PCDHGB6: variants seen among roughly 807,000 people sequenced by gnomAD.
The protein encoded by PCDHGB6 is protocadherin gamma subfamily B, 6.
A neutral mutation model predicts 59.1 loss-of-function variants in PCDHGB6; 51 were observed. The observed-to-expected ratio is 0.86, with a 90% CI of 0.69 to 1.09. The LOEUF is 1.09. PCDHGB6 is among the 50% of genes least tolerant of loss of function. The probability of loss-of-function intolerance (pLI) is 0.00; values close to 1 mark genes in which losing one functional copy is unlikely to be tolerated. For missense variants in PCDHGB6, 1,148 were observed against 1,205.1 expected (o/e 0.95, Z 0.70); for synonymous variants, 466 against 495.1 (o/e 0.94, Z 0.78).
At chr5:141,451,050 G>A (rs915545429) in intron 1 of PCDHGB6, among the ~76,000 whole-genome samples, 6 of 151,352 alleles carry the variant, frequency 4.0e-5, no homozygotes, top group South Asian at 4.2e-4. Flanking sequence ...GGCTGGTCTC[G>A]AACTCCTGAC....
Position 141,476,752 on chromosome 5 carries a change from A to T in PCDHGB6, c.2419-18055A>T, listed in dbSNP as rs771355583. On this transcript the variant is annotated intron_variant, in intron 1 of 3. Coordinates refer to ENST00000520790, the MANE Select transcript of PCDHGB6 (RefSeq NM_018926.3). This position sits in a 1 kb window ranked among gnomAD's most constrained non-coding sequence, Gnocchi z 7.6. ...GAGAACGGGAGCCTAGTCTCCAGTTAGTGCTGACGGCGTTGGACGGAGGGA... is the reference window on the plus strand; with the variant it reads ...GAGAACGGGAGCCTAGTCTCCAGTTTGTGCTGACGGCGTTGGACGGAGGGA... 1.2e-6 allele frequency: 2 copies of T among 1,613,926 alleles called. No individual in the cohort carries two copies. Among genetic ancestry groups the T allele is most frequent in the South Asian group, 2.2e-5 (2 of 91,080 alleles).
At chr5:141,423,264 C>G (rs1452323474) in intron 1 of PCDHGB6, 1 of 1,613,986 alleles carries the variant, frequency 6.2e-7, no homozygotes. Flanking sequence ...TCGGCAGCCT[C>G]GAGTCTCTGG....
rs1228771998 is a variant in PCDHGB6 at position 141,477,832 on chromosome 5, A to G, written c.2419-16975A>G. The stretch of plus-strand genomic sequence containing the variant: ...CCCCCCAGGTCCTATATCCTCGGCC[A>G]GGTGGGAGCTCGGTGGAGATGCTGC... On this transcript the variant is annotated intron_variant, in intron 1 of 3. Transcript: ENST00000520790. This position sits in a 1 kb window ranked among gnomAD's most constrained non-coding sequence, Gnocchi z 4.9. 1.2e-6 allele frequency: 2 copies of G among 1,614,166 alleles called. No homozygotes were observed. Among genetic ancestry groups the G allele is most frequent in the South Asian group, 1.1e-5 (1 of 91,086 alleles).
intron 1 of PCDHGB6, among the ~76,000 whole-genome samples, chr5:141,444,229 T>G (rs957213677): frequency 4.6e-5 from 6 of 130,226 alleles, no homozygotes; most frequent in Admixed American, 9.4e-5. Context: ...TGGAGTGCAA[T>G]GGCATGCTCT....
In PCDHGB6 at chr5:141,493,521, G is replaced by A. The variant is rs967636266; in HGVS notation, c.2419-1286G>A. Among the ~76,000 whole-genome samples the A allele has an allele frequency of 3.9e-5, 6 of 152,242 alleles. No homozygotes were observed. In the East Asian group the frequency reaches 7.7e-4, roughly 20 times the overall value. The stretch of plus-strand genomic sequence containing the variant: ...CTCATTTCTGAGCAGTCCCCGCAGC[G>A]CAAACTTGGCCAGTTATCCTTTTGG... On this transcript the variant is annotated intron_variant, in intron 1 of 3. Coordinates refer to ENST00000520790, the MANE Select transcript of PCDHGB6 (RefSeq NM_018926.3). This position sits in a 1 kb window ranked among gnomAD's most constrained non-coding sequence, Gnocchi z 4.3.
In PCDHGB6 at chr5:141,431,457, T is replaced by C; in HGVS notation, c.2418+20837T>C. ...ACCGCGCGCATCCGCGTGATGGTTC[T>C]GGATGCGAACGACAACGCACCAGCG... On this transcript the variant is annotated intron_variant, in intron 1 of 3. Transcript: ENST00000520790. This position sits in a 1 kb window ranked among gnomAD's most constrained non-coding sequence, Gnocchi z 4.8. 6.2e-7 allele frequency: 1 copy of C among 1,613,818 alleles called. No homozygotes were observed. Among genetic ancestry groups the C allele is most frequent in the South Asian group, 1.1e-5 (1 of 91,088 alleles).
intron 1 of PCDHGB6, chr5:141,424,083 C>T (rs2096798692): frequency 4.2e-6 from 4 of 957,190 alleles, no homozygotes; most frequent in Non-Finnish European, 5.1e-6. Flanking sequence ...TATATTCCAC[C>T]ATTATTTGCT....
chr5:141,409,831 C>T lies in PCDHGB6; in HGVS notation c.1629C>T (p.Ser543=), dbSNP rs1015263434. Residue 543 remains serine, a synonymous_variant, in exon 1 of 4, where the codon AGC becomes AGT. Coordinates refer to ENST00000520790, the MANE Select transcript of PCDHGB6 (RefSeq NM_018926.3). ...GCGACCACGGCTCGCCCACGCTCAG[C>T]GCCAACGTGAGCCTGCGCGTGTTGG... ...QARDHGSPTL[S]ANVSLRVLVG... is the part of the protein sequence containing the mutation. The T allele has an allele frequency of 1.2e-6, 2 of 1,611,128 alleles. No homozygotes were observed. Among genetic ancestry groups the T allele is most frequent in the Non-Finnish European group, 1.7e-6 (2 of 1,178,966 alleles).
chr5:141,453,888 C>T (rs1273180395), intron 1 of PCDHGB6, among the ~76,000 whole-genome samples: 2 of 152,198 alleles, frequency 1.3e-5, no homozygotes, highest in East Asian at 1.9e-4. Flanking sequence ...TGTGGCCAAT[C>T]ACATGACTTC....
chr5:141,415,740 GTTTTTTTTTTTTTTTTT>G (rs57426385), intron 1 of PCDHGB6: 62 of 625,030 alleles, frequency 9.9e-5, no homozygotes, highest in East Asian at 4.1e-4. Flanking sequence ...GTTTATTAAG[GTTTTTTTTTTTTTTTTT>G]TTTTTTTTTT....
chr5:141,414,903 C>A, intron 1 of PCDHGB6: 2 of 1,614,218 alleles, frequency 1.2e-6, no homozygotes, highest in Non-Finnish European at 1.7e-6. Flanking sequence ...CAGACGGTTC[C>A]ACAGGCGTGG....
intron 1 of PCDHGB6, 181 bp downstream of exon 1, chr5:141,410,801 A>G (rs2095424401): frequency 3.4e-6 from 2 of 587,942 alleles, no homozygotes; most frequent in Admixed American, 4.2e-5. Context: ...AAGTTGCTCT[A>G]TCTTTTTGTA....
chr5:141,431,093 G>A lies in PCDHGB6; in HGVS notation c.2418+20473G>A. 6.2e-7 allele frequency: 1 copy of A among 1,614,250 alleles called. No individual in the cohort carries two copies. The highest frequency in any genetic ancestry group is 8.5e-7 in the Non-Finnish European group (1 of 1,180,032). On this transcript the variant is annotated intron_variant, in intron 1 of 3. Transcript: ENST00000520790. The surrounding 1 kb of genome is among the most constrained non-coding windows in gnomAD (Gnocchi z 4.8). Reference sequence around the variant, plus strand: ...ATTAAATCTAGACATTCTGATGGAGGATAAAGTGAAAATATATGGAGTAGA... The same window carrying A: ...ATTAAATCTAGACATTCTGATGGAGAATAAAGTGAAAATATATGGAGTAGA...
intron 1 of PCDHGB6, among the ~76,000 whole-genome samples, chr5:141,455,289 A>C (rs1592356100): frequency 6.6e-6 from 1 of 152,074 alleles, no homozygotes; most frequent in South Asian, 2.1e-4. Flanking sequence ...ATCACTTTAC[A>C]TAGTTTCATC....
intron 1 of PCDHGB6, among the ~76,000 whole-genome samples, chr5:141,437,505 A>G (rs1429147239): frequency 6.6e-6 from 1 of 152,204 alleles, no homozygotes; most frequent in Non-Finnish European, 1.5e-5. Context: ...TTTTCAATGA[A>G]TTATAAGGCT....
intron 1 of PCDHGB6, among the ~76,000 whole-genome samples, chr5:141,452,094 G>A (rs760924457): frequency 6.6e-6 from 1 of 152,162 alleles, no homozygotes; most frequent in South Asian, 2.1e-4. Context: ...CAGTAAGAAA[G>A]AGCTTTCTTT....
chr5:141,408,148 G>C lies in PCDHGB6; in HGVS notation c.-55G>C. The C allele has an allele frequency of 1.3e-6, 2 of 1,504,962 alleles. No individual in the cohort carries two copies. Among genetic ancestry groups the C allele is most frequent in the Non-Finnish European group, 1.8e-6 (2 of 1,124,206 alleles). 93.2% of individuals were successfully genotyped at this position (1,504,962 alleles called of 1,614,324 possible). A position where few individuals can be genotyped will look rare whatever the true frequency, so the allele number is the denominator to read the frequency against. On this transcript the variant is annotated 5_prime_UTR_variant, in exon 1 of 4. Coordinates refer to ENST00000520790, the MANE Select transcript of PCDHGB6 (RefSeq NM_018926.3). ...GGCCGAATGCTCTTTTAGCGCGGTA[G>C]AGTGCACTTTCTCCAACTGGAAAAG...
At chr5:141,412,282 C>A (rs1017660848) in intron 1 of PCDHGB6, 1 of 152,186 alleles carries the variant, frequency 6.6e-6, no homozygotes, top group African/African-American at 2.4e-5. Flanking sequence ...ACTTCAAATT[C>A]TACGTATTTC....
chr5:141,413,089 C>CTT, intron 1 of PCDHGB6: 1 of 1,401,124 alleles, frequency 7.1e-7, no homozygotes, highest in South Asian at 1.4e-5. Flanking sequence ...TACAGAGACA[C>CTT]CCTGAAGCCA....
Sources: gnomAD v4.1 joint callset for allele counts (sites outside exome capture counted in the v4.1 genomes callset) on GRCh38, gnomAD v4.1.1 for gene constraint, Gnocchi (gnomAD v3.1) non-coding constraint, MANE v1.5 for transcripts, NCBI Gene and HGNC (gene_info 2026-07-23, HGNC 2026-07-21) for gene names.